CHST11: variants seen among roughly 807,000 people sequenced by gnomAD.
CHST11 encodes the protein C4S-1.
In CHST11, 9 loss-of-function variants were observed where a neutral mutation model predicts 30.4. That is an observed-to-expected ratio of 0.30 (90% CI 0.18 to 0.52). The LOEUF is 0.52. Among genes scored for constraint, CHST11 ranks in the 20% least tolerant of loss-of-function variants. The pLI, the probability that CHST11 is intolerant of heterozygous loss-of-function variation, is 0.97. For missense variants in CHST11, 348 were observed against 460.6 expected (o/e 0.76, Z 2.24); for synonymous variants, 152 against 187.8 (o/e 0.81, Z 1.56).
chr12:104,614,549 TA>T (rs1312747295), intron 2 of CHST11, among the ~76,000 whole-genome samples: 1 of 152,122 alleles, frequency 6.6e-6, no homozygotes, highest in Non-Finnish European at 1.5e-5. Flanking sequence ...TAAAAAAATT[TA>T]AAAAATTATA....
chr12:104,645,811 CAG>C (rs2136078390), intron 2 of CHST11, among the ~76,000 whole-genome samples: 1 of 152,344 alleles, frequency 6.6e-6, no homozygotes, highest in East Asian at 1.9e-4. Flanking sequence ...GATGAGTTGA[CAG>C]AGCACCACTC....
intron 2 of CHST11, among the ~76,000 whole-genome samples, chr12:104,734,348 T>A (rs2040281630): frequency 6.6e-6 from 1 of 152,204 alleles, no homozygotes; most frequent in Non-Finnish European, 1.5e-5. Context: ...GCACGATCCC[T>A]CCTGAAGGAC....
rs75098685 is a variant in CHST11 at position 104,634,264 on chromosome 12, A to T, written c.204+32273A>T. 6.2e-3 allele frequency among the ~76,000 whole-genome samples: 944 copies of T among 152,274 alleles called. 9 individuals are homozygous for T. Among genetic ancestry groups the T allele is most frequent in the Middle Eastern group, 0.051 (15 of 294 alleles). On this transcript the variant is annotated intron_variant, in intron 2 of 2. Coordinates refer to ENST00000303694, the MANE Select transcript of CHST11 (RefSeq NM_018413.6). The stretch of plus-strand genomic sequence containing the variant: ...CCCCAGTGCATAGTAGGCACTCAGT[A>T]GGTTCCTGGGGAATGAAAGACATTC...
intron 1 of CHST11, among the ~76,000 whole-genome samples, chr12:104,479,867 T>C (rs2037602483): frequency 1.3e-5 from 2 of 152,172 alleles, no homozygotes; most frequent in Non-Finnish European, 1.5e-5. Flanking sequence ...CTCACCACCA[T>C]GTCTGCCTTC....
At chr12:104,623,545 T>A (rs975838083) in intron 2 of CHST11, among the ~76,000 whole-genome samples, 1 of 152,136 alleles carries the variant, frequency 6.6e-6, no homozygotes, top group African/African-American at 2.4e-5. Flanking sequence ...ACCCCGTCTC[T>A]ACTAAAAATA....
intron 2 of CHST11, among the ~76,000 whole-genome samples, chr12:104,709,391 CGTG>C (rs2040064915): frequency 1.3e-5 from 2 of 152,198 alleles, no homozygotes; most frequent in African/African-American, 4.8e-5. Flanking sequence ...AAAAGGCAGA[CGTG>C]GCCCTCACAG....
chr12:104,715,939 G>A (rs552338354), intron 2 of CHST11, among the ~76,000 whole-genome samples: 3 of 152,312 alleles, frequency 2.0e-5, no homozygotes, highest in African/African-American at 4.8e-5. Context: ...TTAGATCCGC[G>A]TTTAATGGAC....
intron 2 of CHST11, among the ~76,000 whole-genome samples, chr12:104,672,733 G>A (rs116614994): frequency 0.014 from 2,096 of 152,270 alleles, 40 homozygotes; most frequent in African/African-American, 0.047. Context: ...AAACTGGCTC[G>A]TGATTCTGAC....
intron 1 of CHST11, among the ~76,000 whole-genome samples, chr12:104,551,883 TGTCA>T (rs1258619019): frequency 6.6e-6 from 1 of 152,190 alleles, no homozygotes; most frequent in Non-Finnish European, 1.5e-5. Flanking sequence ...CTGTGACAGC[TGTCA>T]GTCAGCCTGC....
At chr12:104,744,796 G>A (rs2040376147) in intron 2 of CHST11, among the ~76,000 whole-genome samples, 1 of 152,012 alleles carries the variant, frequency 6.6e-6, no homozygotes, top group African/African-American at 2.4e-5. Flanking sequence ...TGTAAGGAAG[G>A]GATTCAGTTT....
At chr12:104,514,040 C>A in intron 1 of CHST11, 1 of 887,956 alleles carries the variant, frequency 1.1e-6, no homozygotes, top group South Asian at 1.3e-5. Flanking sequence ...TGCAGACCCC[C>A]GGGGCACTAC....
intron 1 of CHST11, among the ~76,000 whole-genome samples, chr12:104,462,167 C>CAAAAAAAAAAAAAAAAA (rs796356338): frequency 1.5e-5 from 1 of 65,598 alleles, no homozygotes; most frequent in Admixed American, 1.8e-4. Context: ...AACACCATCT[C>CAAAAAAAAAAAAAAAAA]AAAAAAAAAA....
intron 1 of CHST11, among the ~76,000 whole-genome samples, chr12:104,585,159 C>A (rs186247577): frequency 3.9e-5 from 6 of 152,178 alleles, no homozygotes; most frequent in Admixed American, 3.9e-4. Flanking sequence ...GGGGAGAGAT[C>A]GTCTTTCCAG....
chr12:104,675,585 C>T (rs1303171154), intron 2 of CHST11, among the ~76,000 whole-genome samples: 1 of 152,202 alleles, frequency 6.6e-6, no homozygotes, highest in Admixed American at 6.5e-5. Context: ...CGAGTGCTTA[C>T]TCAGTGCCAA....
chr12:104,477,402 T>C (rs2037574576), intron 1 of CHST11, among the ~76,000 whole-genome samples: 1 of 152,186 alleles, frequency 6.6e-6, no homozygotes, highest in Non-Finnish European at 1.5e-5. Flanking sequence ...TGGGCTGGCA[T>C]CTGCGAGAAA....
intron 1 of CHST11, among the ~76,000 whole-genome samples, chr12:104,559,300 A>G (rs906102736): frequency 6.6e-6 from 1 of 152,252 alleles, no homozygotes; most frequent in Non-Finnish European, 1.5e-5. Context: ...TAAATGTTCA[A>G]CAAATTAATT....
chr12:104,758,590 A>T lies in CHST11; in HGVS notation c.*787A>T, dbSNP rs1057214849. 1 of 152,186 alleles carries T rather than the reference A, an allele frequency of 6.6e-6. No homozygotes were observed. The highest frequency in any genetic ancestry group is 1.5e-5 in the Non-Finnish European group (1 of 68,018). The allele number at this position is 152,186 out of a possible 1,614,324, so 9.4% of individuals were successfully genotyped here. A position where few individuals can be genotyped will look rare whatever the true frequency, so the allele number is the denominator to read the frequency against. On this transcript the variant is annotated 3_prime_UTR_variant, in exon 3 of 3. Transcript: ENST00000303694. ...ATCTACTATATACTAGGCCCTGAAG[A>T]TAGAGCGTTGAACAAACCCAATAGT...
intron 2 of CHST11, among the ~76,000 whole-genome samples, chr12:104,669,335 G>T (rs566976216): frequency 1.3e-5 from 2 of 152,292 alleles, no homozygotes; most frequent in East Asian, 3.9e-4. Context: ...AACTTGCTGG[G>T]TAATTTAAGG....
chr12:104,660,713 G>A (rs563193972), intron 2 of CHST11, among the ~76,000 whole-genome samples: 97 of 152,184 alleles, frequency 6.4e-4, no homozygotes, highest in Non-Finnish European at 6.3e-4. Flanking sequence ...AAGAAAATCC[G>A]AAACCCAGCT....
Sources: gnomAD v4.1 joint callset for allele counts (sites outside exome capture counted in the v4.1 genomes callset) on GRCh38, gnomAD v4.1.1 for gene constraint, MANE v1.5 for transcripts, NCBI Gene and HGNC (gene_info 2026-07-23, HGNC 2026-07-21) for gene names.